The following HS3ST4 variants were observed in gnomAD, a reference collection of about 807,000 sequenced individuals.
The protein encoded by HS3ST4 is heparan sulfate-glucosamine 3-sulfotransferase 4.
HS3ST4 carries 17 observed loss-of-function variants against 29.2 expected under a neutral mutation model. That is an observed-to-expected ratio of 0.58 (90% CI 0.40 to 0.87). The LOEUF (loss-of-function observed/expected upper bound fraction) is 0.87, where lower values mean the gene tolerates loss of function less well. Ranked by LOEUF, HS3ST4 falls within the 40% of genes least tolerant of loss-of-function variation. The probability of loss-of-function intolerance (pLI) is 0.00; values close to 1 mark genes in which losing one functional copy is unlikely to be tolerated. For synonymous variants in HS3ST4, 314 were observed against 285.7 expected, an observed-to-expected ratio of 1.10 and a Z score of -1.00; for missense variants, 627 against 634.5, an observed-to-expected ratio of 0.99 and a Z score of 0.13.
intron 1 of HS3ST4, among the ~76,000 whole-genome samples, chr16:25,799,837 C>CATCT (rs1160015718): frequency 1.3e-5 from 2 of 151,978 alleles, no homozygotes; most frequent in Admixed American, 1.3e-4. Flanking sequence ...TGTATCTACC[C>CATCT]ATCTATCTAT....
At chr16:25,798,878 G>A (rs986929583) in intron 1 of HS3ST4, among the ~76,000 whole-genome samples, 1 of 152,152 alleles carries the variant, frequency 6.6e-6, no homozygotes, top group African/African-American at 2.4e-5. Context: ...CCGTCTGCCT[G>A]TTCCAGCCAT....
intron 1 of HS3ST4, among the ~76,000 whole-genome samples, chr16:26,113,984 G>A (rs963502783): frequency 6.6e-6 from 1 of 152,202 alleles, no homozygotes; most frequent in African/African-American, 2.4e-5. Flanking sequence ...GGGAAGCTGT[G>A]CAGAGGAGAC....
intron 1 of HS3ST4, among the ~76,000 whole-genome samples, chr16:25,696,256 G>A (rs1045177344): frequency 6.6e-6 from 1 of 152,170 alleles, no homozygotes; most frequent in Non-Finnish European, 1.5e-5. Flanking sequence ...AAAAGGCAAA[G>A]CCACAGTGCA....
chr16:25,972,549 T>C (rs1234809297), intron 1 of HS3ST4, among the ~76,000 whole-genome samples: 1 of 152,242 alleles, frequency 6.6e-6, no homozygotes, highest in African/African-American at 2.4e-5. Flanking sequence ...CTGGTGTCTT[T>C]CCACATGAAT....
chr16:25,906,090 A>G (rs1968176850), intron 1 of HS3ST4, among the ~76,000 whole-genome samples: 1 of 152,152 alleles, frequency 6.6e-6, no homozygotes, highest in African/African-American at 2.4e-5. Flanking sequence ...TTTCGTTGAG[A>G]TAAGGTGAGG....
chr16:26,131,912 G>A (rs1312655486), intron 1 of HS3ST4, among the ~76,000 whole-genome samples: 4 of 152,126 alleles, frequency 2.6e-5, no homozygotes, highest in Non-Finnish European at 2.9e-5. Context: ...ACCTGTCACC[G>A]ATCCTGGTGT....
At chr16:25,993,783 A>G (rs573985092) in intron 1 of HS3ST4, among the ~76,000 whole-genome samples, 96 of 152,176 alleles carry the variant, frequency 6.3e-4, no homozygotes, top group South Asian at 4.2e-3. Context: ...TCAGGCTGCT[A>G]TAACCAAATA....
At chr16:25,931,950 C>T (rs1968468182) in intron 1 of HS3ST4, among the ~76,000 whole-genome samples, 1 of 152,084 alleles carries the variant, frequency 6.6e-6, no homozygotes, top group Non-Finnish European at 1.5e-5. Flanking sequence ...TTGAAAGGGA[C>T]ATGGTTCCTA....
Position 25,847,474 on chromosome 16 carries a change from C to T in HS3ST4, c.734+154323C>T, listed in dbSNP as rs117056248. 6.2e-4 allele frequency among the ~76,000 whole-genome samples: 95 copies of T among 152,224 alleles called. No individual in the cohort carries two copies. The East Asian group carries it at 0.017, about 27-fold the overall frequency. On this transcript the variant is annotated intron_variant, in intron 1 of 1. Coordinates refer to ENST00000331351, the MANE Select transcript of HS3ST4 (RefSeq NM_006040.3). Reference sequence around the variant, plus strand: ...GTGACTTTCTTTACAATTTAACTCCCTTCAGTTTTGTTTGTTTTTGACTTG... The same window carrying T: ...GTGACTTTCTTTACAATTTAACTCCTTTCAGTTTTGTTTGTTTTTGACTTG...
chr16:26,045,509 A>C (rs1431095387), intron 1 of HS3ST4, among the ~76,000 whole-genome samples: 2 of 152,208 alleles, frequency 1.3e-5, no homozygotes, highest in Non-Finnish European at 2.9e-5. Context: ...CTCGCAGTAC[A>C]TAAGAAGGCA....
In HS3ST4 at chr16:26,001,563, T is replaced by C. The variant is rs1233218231; in HGVS notation, c.735-134049T>C. Among the ~76,000 whole-genome samples the C allele has an allele frequency of 2.6e-5, 4 of 152,260 alleles. No homozygotes were observed. In the East Asian group the frequency reaches 7.7e-4, roughly 29 times the overall value. On this transcript the variant is annotated intron_variant, in intron 1 of 1. Coordinates refer to ENST00000331351, the MANE Select transcript of HS3ST4 (RefSeq NM_006040.3). ...ATGTTTTGATGTTTTTCAACAAGCT[T>C]GTGATAAATAATATGTTTTTAAGTC...
At position 25,884,077 on chromosome 16, in the gene HS3ST4, C is replaced by T. The variant is rs113103011; in HGVS notation, c.734+190926C>T. On this transcript the variant is annotated intron_variant, in intron 1 of 1. Coordinates refer to ENST00000331351, the MANE Select transcript of HS3ST4 (RefSeq NM_006040.3). ...GCAGTGAGCCAAGATCATGCCACTG[C>T]ACTTCAGCCTGGGTGACAAGAGCGA... Among the ~76,000 whole-genome samples the T allele has an allele frequency of 3.7e-3, 556 of 151,686 alleles. 6 individuals carry two copies. The highest frequency in any genetic ancestry group is 0.013 in the African/African-American group (531 of 41,270).
rs190260544 is a variant in HS3ST4 at position 25,729,605 on chromosome 16, G to T, written c.734+36454G>T. Among the ~76,000 whole-genome samples the T allele has an allele frequency of 1.7e-4, 26 of 152,144 alleles. No individual in the cohort carries two copies. In the East Asian group the frequency reaches 3.7e-3, roughly 21 times the overall value. On this transcript the variant is annotated intron_variant, in intron 1 of 1. Transcript: ENST00000331351. The stretch of plus-strand genomic sequence containing the variant: ...ATTAGTGATGCCTTGTATTGTAACA[G>T]ACTTGAATCCTCTAATTTTTCACTC...
chr16:25,847,297 C>T (rs1967476348), intron 1 of HS3ST4, among the ~76,000 whole-genome samples: 1 of 152,196 alleles, frequency 6.6e-6, no homozygotes, highest in South Asian at 2.1e-4. Context: ...GGATCCCCCC[C>T]ATATAAATTG....
At chr16:26,089,676 C>G (rs1298785032) in intron 1 of HS3ST4, among the ~76,000 whole-genome samples, 1 of 152,184 alleles carries the variant, frequency 6.6e-6, no homozygotes, top group African/African-American at 2.4e-5. Context: ...GACCCTGGAC[C>G]TACCATTAGG....
chr16:25,800,650 C>G (rs1030920990), intron 1 of HS3ST4, among the ~76,000 whole-genome samples: 1 of 151,998 alleles, frequency 6.6e-6, no homozygotes, highest in Admixed American at 6.6e-5. Context: ...ATGAGAATCT[C>G]TTAGATGATG....
intron 1 of HS3ST4, among the ~76,000 whole-genome samples, chr16:25,988,967 T>G (rs1969089899): frequency 6.6e-6 from 1 of 152,174 alleles, no homozygotes; most frequent in African/African-American, 2.4e-5. Flanking sequence ...TTCACAGAGT[T>G]TAACTGAGCA....
chr16:26,112,185 A>G (rs1899140748), intron 1 of HS3ST4, among the ~76,000 whole-genome samples: 2 of 151,836 alleles, frequency 1.3e-5, no homozygotes, highest in African/African-American at 2.4e-5. Context: ...GAGAAAATCA[A>G]TTTCAACTTT....
At chr16:26,129,526 A>T (rs542254382) in intron 1 of HS3ST4, among the ~76,000 whole-genome samples, 2 of 152,364 alleles carry the variant, frequency 1.3e-5, no homozygotes, top group South Asian at 2.1e-4. Flanking sequence ...GTTGTTTTAA[A>T]AATTAATAGC....
Sources: allele counts gnomAD v4.1 joint callset (sites outside exome capture counted in the v4.1 genomes callset), GRCh38; gene constraint gnomAD v4.1.1; transcripts MANE v1.5; gene names NCBI Gene and HGNC (gene_info 2026-07-23, HGNC 2026-07-21).